Variants in SLC35F3 observed in about 807,000 individuals in gnomAD.
SLC35F3 encodes putative thiamine transporter SLC35F3.
Under a neutral mutation model 49.9 loss-of-function variants are expected in SLC35F3, and 25 were observed. The ratio of observed to expected loss-of-function variants is 0.50; its 90% CI spans 0.37 to 0.70. The LOEUF (loss-of-function observed/expected upper bound fraction) is 0.70, where lower values mean the gene tolerates loss of function less well. Ranked by LOEUF, SLC35F3 falls within the 30% of genes least tolerant of loss-of-function variation. The pLI, the probability that SLC35F3 is intolerant of heterozygous loss-of-function variation, is 0.00. For synonymous variants in SLC35F3, 275 were observed against 265.4 expected (o/e 1.04, Z -0.35); for missense variants, 525 against 639.8 (o/e 0.82, Z 1.94).
At chr1:233,949,989 T>C (rs927247259) in intron 2 of SLC35F3, among the ~76,000 whole-genome samples, 1 of 152,060 alleles carries the variant, frequency 6.6e-6, no homozygotes, top group African/African-American at 2.4e-5. Flanking sequence ...AACAGCCTAT[T>C]TGTCCCCAGT....
intron 3 of SLC35F3, among the ~76,000 whole-genome samples, chr1:234,293,600 C>A (rs1558101001): frequency 6.6e-6 from 1 of 152,150 alleles, no homozygotes; most frequent in Non-Finnish European, 1.5e-5. Flanking sequence ...GCTCTAAAGT[C>A]TATGCTGTTG....
At chr1:234,298,901 C>G (rs1668647731) in intron 3 of SLC35F3, among the ~76,000 whole-genome samples, 1 of 152,136 alleles carries the variant, frequency 6.6e-6, no homozygotes, top group Non-Finnish European at 1.5e-5. Context: ...ATTTAAAGTA[C>G]CAGGATCCAG....
At chr1:233,970,092 A>G (rs1044310600) in intron 2 of SLC35F3, among the ~76,000 whole-genome samples, 1 of 152,194 alleles carries the variant, frequency 6.6e-6, no homozygotes, top group Non-Finnish European at 1.5e-5. Context: ...TTTGAAAATA[A>G]AAGGAGGAAA....
intron 2 of SLC35F3, among the ~76,000 whole-genome samples, chr1:233,961,818 A>G (rs1415348817): frequency 1.3e-5 from 2 of 152,192 alleles, no homozygotes; most frequent in East Asian, 3.8e-4. Flanking sequence ...GCTCATTATA[A>G]TAATGGAAAA....
intron 3 of SLC35F3, among the ~76,000 whole-genome samples, chr1:234,251,205 C>T (rs1307184161): frequency 6.6e-6 from 1 of 151,970 alleles, no homozygotes; most frequent in Non-Finnish European, 1.5e-5. Context: ...TTTCATTGCT[C>T]AAGAGGTAAA....
chr1:234,023,765 C>A (rs1277277835), intron 2 of SLC35F3, among the ~76,000 whole-genome samples: 5 of 151,988 alleles, frequency 3.3e-5, no homozygotes, highest in African/African-American at 1.2e-4. Context: ...TGATGAAATG[C>A]CACTTTACCT....
chr1:234,292,300 G>T (rs1471267121), intron 3 of SLC35F3, among the ~76,000 whole-genome samples: 1 of 152,230 alleles, frequency 6.6e-6, no homozygotes, highest in African/African-American at 2.4e-5. Flanking sequence ...GATCAGCAGG[G>T]TCTTGATTCT....
chr1:234,134,734 GT>G (rs1286393119), intron 2 of SLC35F3, among the ~76,000 whole-genome samples: 1 of 151,832 alleles, frequency 6.6e-6, no homozygotes, highest in Non-Finnish European at 1.5e-5. Context: ...TTTTTGGTTT[GT>G]TTTTTTGAGA....
At chr1:234,076,400 C>T (rs918015304) in intron 2 of SLC35F3, among the ~76,000 whole-genome samples, 5 of 151,752 alleles carry the variant, frequency 3.3e-5, no homozygotes, top group African/African-American at 1.2e-4. Context: ...GAGTTTGAGA[C>T]CCACCTGGGC....
intron 2 of SLC35F3, among the ~76,000 whole-genome samples, chr1:234,098,593 GAC>G (rs1165365845): frequency 6.6e-6 from 1 of 151,462 alleles, no homozygotes; most frequent in African/African-American, 2.4e-5. Flanking sequence ...CGGTGGTAGT[GAC>G]AGTGTTATAG....
chr1:233,971,424 A>G (rs777108470), intron 2 of SLC35F3, among the ~76,000 whole-genome samples: 29 of 152,246 alleles, frequency 1.9e-4, no homozygotes. Flanking sequence ...ACAGTTATCA[A>G]AAGATACCCA....
intron 2 of SLC35F3, among the ~76,000 whole-genome samples, chr1:234,173,973 G>T (rs755914363): frequency 6.6e-5 from 10 of 152,208 alleles, no homozygotes; most frequent in Non-Finnish European, 1.2e-4. Context: ...GGACCCCTGT[G>T]TACAGCAGAA....
intron 2 of SLC35F3, among the ~76,000 whole-genome samples, chr1:234,162,323 T>A (rs1414471440): frequency 8.0e-6 from 1 of 124,662 alleles, no homozygotes; most frequent in Non-Finnish European, 1.6e-5. Context: ...CATCCCCATA[T>A]CCTCAAGTGA....
At chr1:234,160,590 A>G (rs1393295482) in intron 2 of SLC35F3, among the ~76,000 whole-genome samples, 4 of 152,170 alleles carry the variant, frequency 2.6e-5, no homozygotes, top group Non-Finnish European at 5.9e-5. Flanking sequence ...GACAATAAGC[A>G]CAGGCCAGGA....
In SLC35F3 at chr1:234,231,391, G is replaced by A. The variant is rs1042819553; in HGVS notation, c.284-26G>A. 13 of 1,478,896 alleles carry A rather than the reference G, an allele frequency of 8.8e-6. No homozygotes were observed. The highest frequency in any genetic ancestry group is 7.4e-5 in the East Asian group (3 of 40,602). 91.6% of individuals were successfully genotyped at this position (1,478,896 alleles called of 1,614,324 possible). ...GCAGGGGTGAAGGTCTGCAGGCCCCGCTAACCACGCCCTTCTCTTCCCCAG... is the reference window on the plus strand; with the variant it reads ...GCAGGGGTGAAGGTCTGCAGGCCCCACTAACCACGCCCTTCTCTTCCCCAG... On this transcript the variant is annotated intron_variant, in intron 2 of 7. Transcript: ENST00000366618. The surrounding 1 kb of genome is among the most constrained non-coding windows in gnomAD (Gnocchi z 5.4).
rs146468002 is a variant in SLC35F3 at position 233,956,322 on chromosome 1, T to TACAC, written c.283+50576_283+50579dup. On this transcript the variant is annotated intron_variant, in intron 2 of 7. Transcript: ENST00000366618. ...GCCAGATCTTCCTGCACCCTCTTCA[T>TACAC]ACACACACACACACATGCAACTAAC... is the stretch of plus-strand genomic sequence containing the variant. 4.5e-4 allele frequency among the ~76,000 whole-genome samples: 68 copies of TACAC among 151,792 alleles called. 1 individual carries two copies. In the South Asian group the frequency reaches 9.4e-3, roughly 21 times the overall value.
intron 2 of SLC35F3, among the ~76,000 whole-genome samples, chr1:233,961,235 A>T (rs916087420): frequency 6.6e-6 from 1 of 151,920 alleles, no homozygotes. Context: ...GATTTTGAAA[A>T]AACCTGTGAA....
At chr1:234,215,757 G>A (rs1667112352) in intron 2 of SLC35F3, among the ~76,000 whole-genome samples, 1 of 152,192 alleles carries the variant, frequency 6.6e-6, no homozygotes, top group Non-Finnish European at 1.5e-5. Context: ...AAGCTTAGCT[G>A]TCCACACAGG....
intron 3 of SLC35F3, among the ~76,000 whole-genome samples, chr1:234,264,788 A>C (rs973806977): frequency 5.3e-5 from 8 of 152,144 alleles, no homozygotes; most frequent in Non-Finnish European, 4.4e-5. Context: ...CCTGGGCTCA[A>C]GTGATCCTCC....
Sources: gnomAD v4.1 joint callset for allele counts (sites outside exome capture counted in the v4.1 genomes callset) on GRCh38, gnomAD v4.1.1 for gene constraint, Gnocchi (gnomAD v3.1) non-coding constraint, MANE v1.5 for transcripts, NCBI Gene and HGNC (gene_info 2026-07-23, HGNC 2026-07-21) for gene names.